PRMT8: variants seen among roughly 807,000 people sequenced by gnomAD.
PRMT8 encodes the protein protein arginine methyltransferase 8.
In PRMT8, 7 loss-of-function variants were observed where a neutral mutation model predicts 47.1. The observed-to-expected ratio is 0.15, with a 90% CI of 0.08 to 0.28. The LOEUF (loss-of-function observed/expected upper bound fraction) is 0.28, where lower values mean the gene tolerates loss of function less well. Among genes scored for constraint, PRMT8 ranks in the 10% least tolerant of loss-of-function variants. The pLI, the probability that PRMT8 is intolerant of heterozygous loss-of-function variation, is 1.00. For synonymous variants in PRMT8, 188 were observed against 186.5 expected (o/e 1.01, Z -0.07); for missense variants, 237 against 505.4 (o/e 0.47, Z 5.09).
intron 1 of PRMT8, among the ~76,000 whole-genome samples, chr12:3,447,138 A>G (rs1864866653): frequency 6.6e-6 from 1 of 152,136 alleles, no homozygotes. Context: ...AAGACCGAAA[A>G]GCACCTGGAA....
rs1440714315 is a variant in PRMT8 at position 3,573,353 on chromosome 12, G to A, written c.713-3518G>A. Among the ~76,000 whole-genome samples the A allele has an allele frequency of 3.3e-5, 5 of 151,912 alleles. No homozygotes were observed. In the East Asian group the frequency reaches 7.7e-4, roughly 23 times the overall value. ...GGCTTTTTTAAAAAGTTTCCATCTC[G>A]CTAATGAAATTCTCCATTCATTGAT... On this transcript the variant is annotated intron_variant, in intron 6 of 9. Coordinates refer to ENST00000382622, the MANE Select transcript of PRMT8 (RefSeq NM_019854.5).
intron 1 of PRMT8, among the ~76,000 whole-genome samples, chr12:3,509,090 G>A (rs1865672772): frequency 6.6e-6 from 1 of 152,138 alleles, no homozygotes; most frequent in Non-Finnish European, 1.5e-5. Context: ...TCCTATCACA[G>A]CAGTGTGAGT....
At position 3,433,976 on chromosome 12, in the gene PRMT8, C is replaced by T. The variant is rs577740598; in HGVS notation, c.48+52534C>T. Among the ~76,000 whole-genome samples, 8 of 152,186 alleles carry T rather than the reference C, an allele frequency of 5.3e-5. No homozygotes were observed. In the South Asian group the frequency reaches 8.3e-4, roughly 16 times the overall value. ...TGCATAGCCCAACATTACTCTTATA[C>T]GAGCACAGACATTCACAAAAAAACT... On this transcript the variant is annotated intron_variant, in intron 1 of 9. Coordinates refer to the PRMT8 transcript ENST00000452611.
chr12:3,446,836 C>T (rs1166829754), intron 1 of PRMT8, among the ~76,000 whole-genome samples: 1 of 152,226 alleles, frequency 6.6e-6, no homozygotes, highest in Non-Finnish European at 1.5e-5. Flanking sequence ...CCCTTTGCCC[C>T]ATGTGCTTTA....
chr12:3,554,147 G>A (rs1866482205), intron 4 of PRMT8, among the ~76,000 whole-genome samples: 1 of 152,164 alleles, frequency 6.6e-6, no homozygotes, highest in African/African-American at 2.4e-5. Flanking sequence ...CACTGCCCAC[G>A]AGCCCTGTCA....
chr12:3,580,346 G>GTGTA lies in PRMT8; in HGVS notation c.829-2709_829-2708insATGT, dbSNP rs1867035822. On this transcript the variant is annotated intron_variant, in intron 7 of 9. Coordinates refer to ENST00000382622, the MANE Select transcript of PRMT8 (RefSeq NM_019854.5). The surrounding 1 kb of genome is among the most constrained non-coding windows in gnomAD (Gnocchi z 4.6). ...ATGGGGGGTGCGTGTGCGTGTGTGT[G>GTGTA]TGTGTGTGTGTGTGTGTGTGTACGC... Among the ~76,000 whole-genome samples the GTGTA allele has an allele frequency of 6.7e-6, 1 of 149,500 alleles. No homozygotes were observed. Among genetic ancestry groups the GTGTA allele is most frequent in the Non-Finnish European group, 1.5e-5 (1 of 66,614 alleles).
rs1555085720 is a variant in PRMT8, at chr12:3,496,199, G to GATATATAT, written c.75+4508_75+4515dup. On this transcript the variant is annotated intron_variant, in intron 1 of 9. Coordinates refer to ENST00000382622, the MANE Select transcript of PRMT8 (RefSeq NM_019854.5). ...TTAGCAAAGAGTCACTTTGGAAACT[G>GATATATAT]ATATATATATATATATTTTTTTTTT... 5.4e-3 allele frequency among the ~76,000 whole-genome samples: 169 copies of GATATATAT among 31,324 alleles called. 9 individuals carry two copies. Among genetic ancestry groups the GATATATAT allele is most frequent in the East Asian group, 0.022 (17 of 786 alleles). 20.5% of individuals were successfully genotyped at this position (31,324 alleles called of 152,430 possible).
Position 3,570,041 on chromosome 12 carries a change from G to T in PRMT8, c.712+477G>T, listed in dbSNP as rs1866817849. 6.6e-6 allele frequency among the ~76,000 whole-genome samples: 1 copy of T among 152,160 alleles called. No individual in the cohort carries two copies. Among genetic ancestry groups the T allele is most frequent in the African/African-American group, 2.4e-5 (1 of 41,448 alleles). ...CTTATGCAAATACATATTATTTGAG[G>T]TTCTTTTGAGGAATAGATAGCAGAG... On this transcript the variant is annotated intron_variant, in intron 6 of 9. Coordinates refer to ENST00000382622, the MANE Select transcript of PRMT8 (RefSeq NM_019854.5). The surrounding 1 kb of genome is among the most constrained non-coding windows in gnomAD (Gnocchi z 5.5).
chr12:3,496,216 T>A lies in PRMT8; in HGVS notation c.75+4516T>A, dbSNP rs57214660. 3.3e-3 allele frequency among the ~76,000 whole-genome samples: 66 copies of A among 19,928 alleles called. 1 individual carries two copies. The highest frequency in any genetic ancestry group is 0.013 in the African/African-American group (25 of 1,964). 13.1% of individuals were successfully genotyped at this position (19,928 alleles called of 152,430 possible). On this transcript the variant is annotated intron_variant, in intron 1 of 9. Transcript: ENST00000382622. ...TGGAAACTGATATATATATATATAT[T>A]TTTTTTTTTTTTTTTTTTTTTTTTG...
chr12:3,504,960 A>G (rs1305442062), intron 1 of PRMT8, among the ~76,000 whole-genome samples: 1 of 99,384 alleles, frequency 1.0e-5, no homozygotes, highest in African/African-American at 4.0e-5. Flanking sequence ...GAGTGACCCG[A>G]TTTTCCAGGT....
intron 1 of PRMT8, among the ~76,000 whole-genome samples, chr12:3,405,699 A>G (rs1864366399): frequency 6.6e-6 from 1 of 152,156 alleles, no homozygotes. Context: ...TTCCAAAATG[A>G]TCTCCTTTGA....
At chr12:3,568,045 C>G (rs1866757304) in intron 4 of PRMT8, among the ~76,000 whole-genome samples, 1 of 148,696 alleles carries the variant, frequency 6.7e-6, no homozygotes, top group Admixed American at 6.8e-5. Flanking sequence ...GCACTCCAGC[C>G]TGGGCAACAA....
intron 4 of PRMT8, among the ~76,000 whole-genome samples, chr12:3,562,690 T>C (rs1438698083): frequency 6.6e-6 from 1 of 152,176 alleles, no homozygotes; most frequent in Non-Finnish European, 1.5e-5. Context: ...TTGGCTATGG[T>C]GGAAGTATTT....
chr12:3,512,266 C>G (rs1036816794), intron 1 of PRMT8, among the ~76,000 whole-genome samples: 12 of 152,200 alleles, frequency 7.9e-5, no homozygotes, highest in African/African-American at 2.7e-4. Flanking sequence ...TGTTCTCTCT[C>G]AAGCTTTCCT....
intron 1 of PRMT8, among the ~76,000 whole-genome samples, chr12:3,399,890 A>G (rs1237573853): frequency 6.6e-6 from 1 of 152,218 alleles, no homozygotes; most frequent in Non-Finnish European, 1.5e-5. Context: ...ATCAATGACT[A>G]TACCCCAAGG....
chr12:3,487,119 G>A (rs1865330380), upstream of PRMT8, among the ~76,000 whole-genome samples: 1 of 152,182 alleles, frequency 6.6e-6, no homozygotes, highest in Non-Finnish European at 1.5e-5. Flanking sequence ...TGGCCCAGAA[G>A]ACACTAAGAA....
At position 3,431,602 on chromosome 12, in the gene PRMT8, C is replaced by T. The variant is rs566067393; in HGVS notation, c.48+50160C>T. Among the ~76,000 whole-genome samples, 3 of 152,140 alleles carry T rather than the reference C, an allele frequency of 2.0e-5. No homozygotes were observed. The South Asian group carries it at 6.2e-4, about 32-fold the overall frequency. On this transcript the variant is annotated intron_variant, in intron 1 of 9. Coordinates refer to the PRMT8 transcript ENST00000452611. ...CACAAGGGAATGGCATCCCAGAGATCAAGGAAAGATGGGATTCCAAGAAGG... is the reference window on the plus strand; with the variant it reads ...CACAAGGGAATGGCATCCCAGAGATTAAGGAAAGATGGGATTCCAAGAAGG...
rs2137133419 is a variant in PRMT8, at chr12:3,514,510, T to C, written c.75+22810T>C. On this transcript the variant is annotated intron_variant, in intron 1 of 9. Transcript: ENST00000382622. This position sits in a 1 kb window ranked among gnomAD's most constrained non-coding sequence, Gnocchi z 5.9. Reference sequence around the variant, plus strand: ...GATGTCCAATATAAGCGGGTCAGGGTCACCCTGCCTCCAAGTGGAATGTAA... The same window carrying C: ...GATGTCCAATATAAGCGGGTCAGGGCCACCCTGCCTCCAAGTGGAATGTAA... Among the ~76,000 whole-genome samples, 1 of 152,220 alleles carries C rather than the reference T, an allele frequency of 6.6e-6. No homozygotes were observed. Among genetic ancestry groups the C allele is most frequent in the Non-Finnish European group, 1.5e-5 (1 of 68,012 alleles).
At chr12:3,460,506 G>A (rs1459754024) in intron 1 of PRMT8, among the ~76,000 whole-genome samples, 1 of 152,156 alleles carries the variant, frequency 6.6e-6, no homozygotes, top group African/African-American at 2.4e-5. Context: ...TTACCTTTTG[G>A]CTGTTCATAG....
Sources: gnomAD v4.1 joint callset for allele counts (sites outside exome capture counted in the v4.1 genomes callset) on GRCh38, gnomAD v4.1.1 for gene constraint, Gnocchi (gnomAD v3.1) non-coding constraint, MANE v1.5 for transcripts, NCBI Gene and HGNC (gene_info 2026-07-23, HGNC 2026-07-21) for gene names.